DCAF8L2: variants seen among roughly 807,000 people sequenced by gnomAD.
DCAF8L2 encodes the protein DDB1 and CUL4 associated factor 8 like 2, also known as DDB1- and CUL4-associated factor 8-like protein 2.
For synonymous variants in DCAF8L2, 200 were observed against 190.9 expected, an observed-to-expected ratio of 1.05 and a Z score of -0.39; for missense variants, 430 against 490.7, an observed-to-expected ratio of 0.88 and a Z score of 1.17.
the DCAF8L2 span, among the ~76,000 whole-genome samples, chrX:27,523,136 C>T: frequency 5.4e-5 from 6 of 110,983 alleles, no homozygotes; most frequent in Non-Finnish European, 7.5e-5. Context: ...TTGCTCCTTA[C>T]GAAAGTGAAA....
intron 4 of DCAF8L2, among the ~76,000 whole-genome samples, chrX:27,738,052 C>A (rs1222595009): frequency 9.0e-6 from 1 of 111,255 alleles, no homozygotes; most frequent in Non-Finnish European, 1.9e-5. Context: ...GATTAATAAC[C>A]CATCTTTTTC....
At chrX:27,688,180 A>T (rs1245978877) in intron 3 of DCAF8L2, among the ~76,000 whole-genome samples, 1 of 112,239 alleles carries the variant, frequency 8.9e-6, no homozygotes, top group African/African-American at 3.2e-5. Context: ...TATCTAATTG[A>T]TAAAAAATAG....
rs762291212 is a variant in DCAF8L2 at position 27,611,618 on chromosome X, G to A, written c.-341-20261G>A. Among the ~76,000 whole-genome samples the A allele has an allele frequency of 8.6e-5, 9 of 104,755 alleles. No homozygotes were observed. The South Asian group carries it at 2.5e-3, about 29-fold the overall frequency. 91.0% of individuals were successfully genotyped at this position (104,755 alleles called of 115,157 possible). A position where few individuals can be genotyped will look rare whatever the true frequency, so the allele number is the denominator to read the frequency against. The stretch of plus-strand genomic sequence containing the variant: ...GTCCCCCCACCCCACGACAGGCCCC[G>A]GTGTGTGATGTTCCCTGCCCTGTGT... On this transcript the variant is annotated intron_variant, in intron 1 of 4. Transcript: ENST00000451261.
intron 4 of DCAF8L2, among the ~76,000 whole-genome samples, chrX:27,718,212 T>A: frequency 8.9e-6 from 1 of 111,752 alleles, no homozygotes; most frequent in Non-Finnish European, 1.9e-5. Flanking sequence ...TAACCACTGA[T>A]CAGCTTTTTG....
At chrX:27,512,779 CAAAAAAAAAA>C in the DCAF8L2 span, among the ~76,000 whole-genome samples, 10 of 18,548 alleles carry the variant, frequency 5.4e-4, no homozygotes, top group African/African-American at 2.0e-3. Flanking sequence ...CAATCTTGAG[CAAAAAAAAAA>C]AAAAAAAAAA....
chrX:27,611,229 A>G (rs1011626873), intron 1 of DCAF8L2, among the ~76,000 whole-genome samples: 1 of 111,289 alleles, frequency 9.0e-6, no homozygotes, highest in Non-Finnish European at 1.9e-5. Context: ...CAGGACTGCC[A>G]TATCTAAGCG....
chrX:27,574,584 G>T, the DCAF8L2 span, among the ~76,000 whole-genome samples: 5 of 112,132 alleles, frequency 4.5e-5, no homozygotes, highest in East Asian at 1.4e-3. Flanking sequence ...TTTTAGTCAT[G>T]TCCAAGTAAA....
At chrX:27,502,335 AATATATATATATATATAT>A in the DCAF8L2 span, among the ~76,000 whole-genome samples, 120 of 12,728 alleles carry the variant, frequency 9.4e-3, 1 homozygote, top group African/African-American at 0.02. Context: ...AAAAAAAAAA[AATATATATATATATATAT>A]ATATATATAT....
At chrX:27,502,331 AAAAAATATATATATATATATATATAT>A in the DCAF8L2 span, among the ~76,000 whole-genome samples, 6 of 29,602 alleles carry the variant, frequency 2.0e-4, no homozygotes, top group South Asian at 3.1e-3. Flanking sequence ...AAAAAAAAAA[AAAAAATATATATATATATATATATAT>A]ATATATATAT....
chrX:27,573,564 A>G, the DCAF8L2 span, among the ~76,000 whole-genome samples: 1 of 111,638 alleles, frequency 9.0e-6, no homozygotes, highest in African/African-American at 3.3e-5. Context: ...CAGTTAAGCC[A>G]TTGGTGACAG....
At chrX:27,491,878 C>A in the DCAF8L2 span, among the ~76,000 whole-genome samples, 4 of 111,660 alleles carry the variant, frequency 3.6e-5, no homozygotes, top group Non-Finnish European at 7.5e-5. Context: ...TTTAGCATTG[C>A]TGGTATAGAG....
chrX:27,677,414 A>G lies in DCAF8L2; in HGVS notation c.-219-422A>G, dbSNP rs1048898515. Among the ~76,000 whole-genome samples the G allele has an allele frequency of 2.7e-5, 3 of 112,240 alleles. No homozygotes were observed. In the Admixed American group the frequency reaches 2.9e-4, roughly 11 times the overall value. ...CTATGATAAGCTAAGAAAAAGAGAA[A>G]TGTATTGAGAGCCTGTGAGAGGAGT... On this transcript the variant is annotated intron_variant, in intron 2 of 4. Transcript: ENST00000451261.
chrX:27,473,747 T>C, the DCAF8L2 span, among the ~76,000 whole-genome samples: 1 of 110,977 alleles, frequency 9.0e-6, no homozygotes, highest in Non-Finnish European at 1.9e-5. Flanking sequence ...TTTACAGAAA[T>C]CCCCCATTAT....
intron 2 of DCAF8L2, among the ~76,000 whole-genome samples, chrX:27,651,346 G>T (rs779640580): frequency 1.8e-4 from 20 of 109,998 alleles, no homozygotes; most frequent in Non-Finnish European, 3.4e-4. Flanking sequence ...TTTTATACAG[G>T]TATCTAAGAA....
the DCAF8L2 span, among the ~76,000 whole-genome samples, chrX:27,549,728 G>T: frequency 9.0e-6 from 1 of 111,413 alleles, no homozygotes; most frequent in African/African-American, 3.3e-5. Context: ...ACAGATAAAT[G>T]ATTGTAATGG....
At chrX:27,518,986 A>T in the DCAF8L2 span, 1 of 689,375 alleles carries the variant, frequency 1.5e-6, no homozygotes, top group Non-Finnish European at 2.4e-6. Context: ...GAGAATCCAT[A>T]AGGGGATTTT....
chrX:27,591,272 C>T (rs953765666), intron 1 of DCAF8L2, among the ~76,000 whole-genome samples: 2 of 110,253 alleles, frequency 1.8e-5, no homozygotes, highest in African/African-American at 6.6e-5. Flanking sequence ...TAGTATCCAG[C>T]AGGCTACAGA....
chrX:27,747,755 C>T lies in DCAF8L2; in HGVS notation c.860C>T (p.Thr287Ile). Residue 287 changes from threonine to isoleucine, a missense_variant, in exon 5 of 5, where the codon ACT (threonine) becomes ATT (isoleucine). Thr to Ile is a moderately conservative substitution (Grantham distance 89). Transcript: ENST00000451261. Reference protein sequence around the residue: ...AKFLPNCGDSTLAMCARDGQV... With the variant: ...AKFLPNCGDSILAMCARDGQV... ...TTCCTTCCTAACTGTGGTGATTCCA[C>T]TCTGGCCATGTGTGCCCGTGATGGG... The T allele has an allele frequency of 1.7e-6, 2 of 1,211,068 alleles. No homozygotes were observed. Among genetic ancestry groups the T allele is most frequent in the South Asian group, 3.5e-5 (2 of 56,799 alleles).
At chrX:27,498,032 G>T in the DCAF8L2 span, among the ~76,000 whole-genome samples, 1 of 112,190 alleles carries the variant, frequency 8.9e-6, no homozygotes, top group African/African-American at 3.2e-5. Context: ...ATTCCATTGT[G>T]TGTGTGTATA....
Sources: allele counts gnomAD v4.1 joint callset (sites outside exome capture counted in the v4.1 genomes callset), GRCh38; gene constraint gnomAD v4.1.1; transcripts MANE v1.5; gene names NCBI Gene and HGNC (gene_info 2026-07-23, HGNC 2026-07-21).